Variants in LEMD3 observed in about 807,000 individuals in gnomAD.
The protein encoded by LEMD3 is LEM domain containing 3, also known as inner nuclear membrane protein Man1.
A neutral mutation model predicts 95.2 loss-of-function variants in LEMD3; 33 were observed. That is an observed-to-expected ratio of 0.35 (90% CI 0.26 to 0.46). The LOEUF (loss-of-function observed/expected upper bound fraction) is 0.46. Among genes scored for constraint, LEMD3 ranks in the 20% least tolerant of loss-of-function variants. The probability of loss-of-function intolerance (pLI) is 1.00; values close to 1 mark genes in which losing one functional copy is unlikely to be tolerated. For synonymous variants in LEMD3, 525 were observed against 474.6 expected, an observed-to-expected ratio of 1.11 and a Z score of -1.38; for missense variants, 1,210 against 1,192.8, an observed-to-expected ratio of 1.01 and a Z score of -0.21.
rs772517647 is a variant in LEMD3 at position 65,241,106 on chromosome 12, CA to C, written c.2305+25del. On this transcript the variant is annotated intron_variant, in intron 9 of 12. Coordinates refer to ENST00000308330, the MANE Select transcript of LEMD3 (RefSeq NM_014319.5). The stretch of plus-strand genomic sequence containing the variant: ...GGTCAAGGTATGTATTTTTAAACAT[CA>C]AAAAAGTAATTTTCTTCTAATTTTT... 6.2e-7 allele frequency: 1 copy of C among 1,600,338 alleles called. No individual in the cohort carries two copies. Among genetic ancestry groups the C allele is most frequent in the South Asian group, 1.1e-5 (1 of 90,726 alleles).
chr12:65,174,269 G>T (rs1592427561), intron 1 of LEMD3, among the ~76,000 whole-genome samples: 1 of 152,128 alleles, frequency 6.6e-6, no homozygotes, highest in Non-Finnish European at 1.5e-5. Flanking sequence ...CTAGGGGGTT[G>T]GATTAGATGA....
At chr12:65,246,127 T>C (rs1389680870) in intron 12 of LEMD3, 35 bp from the exon 13 acceptor site, 1 of 1,526,078 alleles carries the variant, frequency 6.6e-7, no homozygotes, top group Non-Finnish European at 9.1e-7. Flanking sequence ...TAAACAGTTT[T>C]ACTGATCTAA....
intron 1 of LEMD3, among the ~76,000 whole-genome samples, chr12:65,205,477 T>G (rs1489161823): frequency 6.6e-6 from 1 of 152,196 alleles, no homozygotes; most frequent in African/African-American, 2.4e-5. Flanking sequence ...TTTACTTCCT[T>G]AGACACATTG....
chr12:65,189,285 G>A (rs1240476939), intron 1 of LEMD3, among the ~76,000 whole-genome samples: 11 of 152,146 alleles, frequency 7.2e-5, no homozygotes, highest in Admixed American at 7.2e-4. Flanking sequence ...CAAAGGACTG[G>A]TGTATGCTCT....
At chr12:65,244,183 C>T (rs897121149) in intron 10 of LEMD3, among the ~76,000 whole-genome samples, 3 of 152,070 alleles carry the variant, frequency 2.0e-5, no homozygotes, top group African/African-American at 7.2e-5. Flanking sequence ...CATCTAATCA[C>T]TCATTGATGA....
At position 65,214,455 on chromosome 12, in the gene LEMD3, T is replaced by C. The variant is rs983127324; in HGVS notation, c.1561-1522T>C. On this transcript the variant is annotated intron_variant, in intron 2 of 12. Coordinates refer to ENST00000308330, the MANE Select transcript of LEMD3 (RefSeq NM_014319.5). ...GTAAACTGAATGAATAAGTAACTTATCTCAGTCAACCGTCTGACATAAAAC... is the reference window on the plus strand; with the variant it reads ...GTAAACTGAATGAATAAGTAACTTACCTCAGTCAACCGTCTGACATAAAAC... Among the ~76,000 whole-genome samples the C allele has an allele frequency of 4.6e-5, 7 of 152,310 alleles. No homozygotes were observed. The East Asian group carries it at 5.8e-4, about 13-fold the overall frequency.
chr12:65,175,601 A>G (rs1868695396), intron 1 of LEMD3, among the ~76,000 whole-genome samples: 2 of 151,412 alleles, frequency 1.3e-5, no homozygotes, highest in South Asian at 2.1e-4. Flanking sequence ...CTGTATCACT[A>G]CTCTCTCCTA....
In LEMD3 at chr12:65,217,845, A is replaced by G. The variant is rs186077173; in HGVS notation, c.1628-707A>G. ...TTTTTTAAGATTTTTTTGAGACAGG[A>G]TCTTTTCTGTCACTCAGGCTGGAGT... On this transcript the variant is annotated intron_variant, in intron 3 of 12. Transcript: ENST00000308330. Among the ~76,000 whole-genome samples, 282 of 152,206 alleles carry G rather than the reference A, an allele frequency of 1.9e-3. 1 individual carries two copies. The highest frequency in any genetic ancestry group is 6.6e-3 in the African/African-American group (274 of 41,526).
At position 65,169,679 on chromosome 12, in the gene LEMD3, C is replaced by G; in HGVS notation, c.83C>G (p.Pro28Arg). Residue 28 changes from proline to arginine, a missense_variant, in exon 1 of 13, where the codon CCC becomes CGC. Pro to Arg is a moderately radical substitution (Grantham distance 103). Coordinates refer to ENST00000308330, the MANE Select transcript of LEMD3 (RefSeq NM_014319.5). Reference sequence around the variant, plus strand: ...CAGCTCCGCCGTTACGGCCTGTCTCCCGGACCAGTGACGGAGAGCACCCGC... The same window carrying G: ...CAGCTCCGCCGTTACGGCCTGTCTCGCGGACCAGTGACGGAGAGCACCCGC... ...FSQLRRYGLS[P>R]GPVTESTRPV... The G allele has an allele frequency of 6.3e-7, 1 of 1,586,478 alleles. No homozygotes were observed. Among genetic ancestry groups the G allele is most frequent in the African/African-American group, 1.3e-5 (1 of 74,640 alleles).
intron 1 of LEMD3, among the ~76,000 whole-genome samples, chr12:65,203,265 T>C (rs1047014283): frequency 7.2e-6 from 1 of 139,836 alleles, no homozygotes; most frequent in African/African-American, 2.6e-5. Context: ...TCCCACATGC[T>C]TAGCGTTCCA....
In LEMD3 at chr12:65,169,782, G is replaced by C; in HGVS notation, c.186G>C (p.Lys62Asn). Residue 62 changes from lysine to asparagine, a missense_variant, in exon 1 of 13, where the codon AAG becomes AAC. By Grantham distance (94) the Lys-to-Asn change is moderately conservative (BLOSUM62 0). Around this residue, in one of 2 missense-constraint regions of LEMD3, gnomAD observed 749 missense variants for 622.9 expected, o/e 1.20. Transcript: ENST00000308330. ...ACCGGTCAGGGGGCCGCGGCAACAAGACGCGGAACAGTAATAACAATAACA... is the reference window on the plus strand; with the variant it reads ...ACCGGTCAGGGGGCCGCGGCAACAACACGCGGAACAGTAATAACAATAACA... Reference protein sequence around the residue: ...QQHRSGGRGNKTRNSNNNNTA... With the variant: ...QQHRSGGRGNNTRNSNNNNTA... 1.3e-6 allele frequency: 2 copies of C among 1,577,890 alleles called. No homozygotes were observed. The highest frequency in any genetic ancestry group is 1.7e-6 in the Non-Finnish European group (2 of 1,160,944).
chr12:65,246,901 A>G lies in LEMD3; in HGVS notation c.*576A>G, dbSNP rs527664684. On this transcript the variant is annotated 3_prime_UTR_variant, in exon 13 of 13. Coordinates refer to ENST00000308330, the MANE Select transcript of LEMD3 (RefSeq NM_014319.5). ...ATATGTACTTAAACTGGCTTTGTATATATGTATAAATGCTGGTGGTGGTGA... is the reference window on the plus strand; with the variant it reads ...ATATGTACTTAAACTGGCTTTGTATGTATGTATAAATGCTGGTGGTGGTGA... The G allele has an allele frequency of 7.5e-4, 116 of 155,468 alleles. No individual in the cohort carries two copies. The highest frequency in any genetic ancestry group is 1.4e-3 in the Non-Finnish European group (99 of 69,884). 9.6% of individuals were successfully genotyped at this position (155,468 alleles called of 1,614,324 possible).
intron 4 of LEMD3, among the ~76,000 whole-genome samples, chr12:65,229,107 TC>T (rs1189738858): frequency 6.6e-6 from 1 of 152,170 alleles, no homozygotes; most frequent in African/African-American, 2.4e-5. Context: ...AACTTGGACT[TC>T]TAACTCATTT....
At position 65,241,040 on chromosome 12, in the gene LEMD3, C is replaced by A; in HGVS notation, c.2258C>A (p.Ser753Tyr). The change falls in exon 9 of 13, where the codon TCC (serine) becomes TAC (tyrosine). Residue 753 changes from serine (S) to tyrosine (Y), a missense_variant. Physicochemically the swap from Ser to Tyr is moderately radical, Grantham distance 144. Transcript: ENST00000308330. ...LVWRWIQPSA[S>Y]CDKILVIPSK... ...TGGCGGTGGATCCAGCCTTCTGCAT[C>A]CTGTGACAAAATATTAGTTATACCT... 2 of 1,613,978 alleles carry A rather than the reference C, an allele frequency of 1.2e-6. No individual in the cohort carries two copies. Among genetic ancestry groups the A allele is most frequent in the Non-Finnish European group, 8.5e-7 (1 of 1,179,934 alleles).
chr12:65,184,109 C>T (rs540744132), intron 1 of LEMD3, among the ~76,000 whole-genome samples: 15 of 152,210 alleles, frequency 9.9e-5, no homozygotes, highest in African/African-American at 3.1e-4. Flanking sequence ...TCATCATGCT[C>T]TTTGAATTGT....
chr12:65,205,520 A>T (rs2136332822), intron 1 of LEMD3, among the ~76,000 whole-genome samples: 1 of 152,268 alleles, frequency 6.6e-6, no homozygotes, highest in African/African-American at 2.4e-5. Context: ...TAGTGCTTTG[A>T]TAGCCATGTT....
chr12:65,192,995 TAA>T (rs1466156093), intron 1 of LEMD3, among the ~76,000 whole-genome samples: 4 of 152,188 alleles, frequency 2.6e-5, no homozygotes, highest in Non-Finnish European at 5.9e-5. Flanking sequence ...GCAAGAATCT[TAA>T]GTTAAATACA....
chr12:65,202,988 C>T (rs990714512), intron 1 of LEMD3, among the ~76,000 whole-genome samples: 13 of 152,080 alleles, frequency 8.5e-5, no homozygotes, highest in Admixed American at 1.3e-4. Context: ...TTTCAAGGAA[C>T]CAGCTTCTGG....
intron 1 of LEMD3, among the ~76,000 whole-genome samples, chr12:65,190,492 C>G (rs1040100333): frequency 2.6e-5 from 4 of 152,128 alleles, no homozygotes; most frequent in Admixed American, 6.6e-5. Flanking sequence ...CTCTGCAACC[C>G]CTTCCTTTCT....
Sources: gnomAD v4.1 joint callset for allele counts (sites outside exome capture counted in the v4.1 genomes callset) on GRCh38, gnomAD v4.1.1 for gene constraint, gnomAD v4.1.1 regional missense constraint, MANE v1.5 for transcripts, NCBI Gene and HGNC (gene_info 2026-07-23, HGNC 2026-07-21) for gene names.